The following FARS2 variants were observed in gnomAD, a reference collection of about 807,000 sequenced individuals.
FARS2 encodes phenylalanyl-tRNA synthetase 2, mitochondrial.
Under a neutral mutation model 46.4 loss-of-function variants are expected in FARS2, and 40 were observed. That is an observed-to-expected ratio of 0.86 (90% CI 0.67 to 1.12). FARS2 has a LOEUF of 1.12. Ranked by LOEUF, FARS2 falls within the 50% of genes most tolerant of loss-of-function variation. FARS2 has a pLI of 0.00. For synonymous variants in FARS2, 234 were observed against 214.9 expected, an observed-to-expected ratio of 1.09 and a Z score of -0.78; for missense variants, 513 against 567.9, an observed-to-expected ratio of 0.90 and a Z score of 0.98.
In FARS2 at chr6:5,339,733, C is replaced by G. The variant is rs1440649203; in HGVS notation, c.-21-28817C>G. On this transcript the variant is annotated intron_variant, in intron 1 of 6. Transcript: ENST00000274680. ...TACAGGCATGAGCCATAGCACCTGGCCAAACCAGGAGTCTTCAAACAGATA... is the reference window on the plus strand; with the variant it reads ...TACAGGCATGAGCCATAGCACCTGGGCAAACCAGGAGTCTTCAAACAGATA... Among the ~76,000 whole-genome samples the G allele has an allele frequency of 3.3e-5, 5 of 152,162 alleles. No individual in the cohort carries two copies. The East Asian group carries it at 9.6e-4, about 29-fold the overall frequency.
chr6:5,752,308 G>A (rs1761993929), intron 6 of FARS2, among the ~76,000 whole-genome samples: 1 of 152,156 alleles, frequency 6.6e-6, no homozygotes, highest in South Asian at 2.1e-4. Context: ...ATTACTCATG[G>A]TAAATTGTGA....
At chr6:5,378,953 T>C (rs1759573230) in intron 2 of FARS2, among the ~76,000 whole-genome samples, 1 of 152,226 alleles carries the variant, frequency 6.6e-6, no homozygotes, top group African/African-American at 2.4e-5. Flanking sequence ...AGACCCCTTT[T>C]TCTGTGGCAC....
At chr6:5,276,065 C>A (rs566704581) in intron 1 of FARS2, among the ~76,000 whole-genome samples, 1 of 152,158 alleles carries the variant, frequency 6.6e-6, no homozygotes, top group Non-Finnish European at 1.5e-5. Flanking sequence ...ATTTGGAAAC[C>A]CTATTTTCTT....
intron 1 of FARS2, among the ~76,000 whole-genome samples, chr6:5,339,709 A>G (rs916132761): frequency 1.5e-4 from 23 of 152,370 alleles, no homozygotes; most frequent in African/African-American, 4.6e-4. Context: ...TGGTGGGATT[A>G]CAGGCATGAG....
chr6:5,392,336 T>C (rs1760571702), intron 2 of FARS2, among the ~76,000 whole-genome samples: 1 of 151,366 alleles, frequency 6.6e-6, no homozygotes, highest in Non-Finnish European at 1.5e-5. Context: ...CCTTATGAAC[T>C]GCTGCTTTTC....
intron 1 of FARS2, among the ~76,000 whole-genome samples, chr6:5,344,063 GC>G (rs1391751732): frequency 6.6e-6 from 1 of 152,168 alleles, no homozygotes; most frequent in Non-Finnish European, 1.5e-5. Flanking sequence ...CGCAATGGAT[GC>G]TTAGATTTTG....
chr6:5,454,538 G>GT (rs1275156236), intron 4 of FARS2, among the ~76,000 whole-genome samples: 1 of 151,722 alleles, frequency 6.6e-6, no homozygotes, highest in Admixed American at 6.6e-5. Flanking sequence ...TAGATATGGG[G>GT]TTTCACCGTG....
At chr6:5,349,373 C>T (rs1275803525) in intron 1 of FARS2, among the ~76,000 whole-genome samples, 1 of 152,192 alleles carries the variant, frequency 6.6e-6, no homozygotes, top group Non-Finnish European at 1.5e-5. Context: ...GGTTGGAAAA[C>T]TCAACATACT....
intron 1 of FARS2, among the ~76,000 whole-genome samples, chr6:5,281,554 A>G (rs900929948): frequency 3.3e-5 from 5 of 152,172 alleles, no homozygotes; most frequent in African/African-American, 1.2e-4. Flanking sequence ...AAACACCACC[A>G]TCATCCATTT....
intron 4 of FARS2, among the ~76,000 whole-genome samples, chr6:5,484,276 A>G (rs1042284968): frequency 1.3e-5 from 2 of 152,236 alleles, no homozygotes; most frequent in Non-Finnish European, 2.9e-5. Flanking sequence ...GGTAATGGTT[A>G]TGTGGCATTG....
At chr6:5,401,865 T>C (rs896056621) in intron 2 of FARS2, among the ~76,000 whole-genome samples, 18 of 152,192 alleles carry the variant, frequency 1.2e-4, no homozygotes, top group Admixed American at 6.5e-5. Context: ...TAGTTGATCT[T>C]TTTGCCTAGA....
intron 6 of FARS2, chr6:5,667,916 A>G (rs1333568364): frequency 2.0e-5 from 3 of 152,258 alleles, no homozygotes; most frequent in Non-Finnish European, 4.4e-5. Flanking sequence ...TTAGAGCAAG[A>G]GAAACACTTT....
chr6:5,265,337 A>G (rs2127806796), intron 1 of FARS2, among the ~76,000 whole-genome samples: 2 of 152,282 alleles, frequency 1.3e-5, no homozygotes, highest in Middle Eastern at 6.8e-3. Context: ...GTGTTTTAGA[A>G]TGGTAGGAGG....
intron 6 of FARS2, among the ~76,000 whole-genome samples, chr6:5,709,733 T>TGGG (rs149822724): frequency 1.8e-3 from 236 of 128,866 alleles, no homozygotes; most frequent in Non-Finnish European, 3.1e-3. Flanking sequence ...GGTGGGGTTG[T>TGGG]GTGTGTGTGT....
intron 6 of FARS2, among the ~76,000 whole-genome samples, chr6:5,635,688 G>A (rs1024445016): frequency 5.9e-5 from 9 of 152,160 alleles, no homozygotes; most frequent in African/African-American, 2.2e-4. Flanking sequence ...GTGCAGGGTG[G>A]CGTTGGATGA....
At chr6:5,634,356 G>A (rs1444207250) in intron 6 of FARS2, among the ~76,000 whole-genome samples, 1 of 152,162 alleles carries the variant, frequency 6.6e-6, no homozygotes, top group Non-Finnish European at 1.5e-5. Context: ...AGGCTGGAGG[G>A]CAGTGGTATG....
intron 4 of FARS2, among the ~76,000 whole-genome samples, chr6:5,437,572 A>G (rs569595881): frequency 2.0e-5 from 3 of 152,160 alleles, no homozygotes; most frequent in South Asian, 4.2e-4. Flanking sequence ...TTCACGAGGA[A>G]TTGTTCCTTT....
intron 6 of FARS2, among the ~76,000 whole-genome samples, chr6:5,712,924 G>A (rs560479016): frequency 2.6e-5 from 4 of 152,376 alleles, no homozygotes; most frequent in African/African-American, 9.6e-5. Context: ...CTAAAATGGA[G>A]TGTACAAAAA....
chr6:5,347,832 T>G (rs922783699), intron 1 of FARS2, among the ~76,000 whole-genome samples: 5 of 152,214 alleles, frequency 3.3e-5, no homozygotes, highest in Non-Finnish European at 5.9e-5. Context: ...TTTTTAAATT[T>G]AGTTTTTCTA....
Sources: allele counts gnomAD v4.1 joint callset (sites outside exome capture counted in the v4.1 genomes callset), GRCh38; gene constraint gnomAD v4.1.1; transcripts MANE v1.5; gene names NCBI Gene and HGNC (gene_info 2026-07-23, HGNC 2026-07-21).